The following MYCT1 variants were observed in gnomAD, a reference collection of about 807,000 sequenced individuals.
MYCT1 encodes MYC target 1.
A neutral mutation model predicts 15.0 loss-of-function variants in MYCT1; 12 were observed. The observed-to-expected ratio is 0.80, with a 90% CI of 0.51 to 1.29. MYCT1 has a LOEUF of 1.29. MYCT1 is among the 50% of genes most tolerant of loss of function. The pLI is 0.00. For missense variants in MYCT1, 287 were observed against 279.1 expected, an observed-to-expected ratio of 1.03 and a Z score of -0.20; for synonymous variants, 104 against 102.7, an observed-to-expected ratio of 1.01 and a Z score of -0.07.
the MYCT1 span, among the ~76,000 whole-genome samples, chr6:152,736,687 C>CATGATAAT: frequency 6.6e-6 from 1 of 152,054 alleles, no homozygotes; most frequent in South Asian, 2.1e-4. Flanking sequence ...ATTATTAATA[C>CATGATAAT]ACTTTTTTTT....
intron 1 of MYCT1, among the ~76,000 whole-genome samples, chr6:152,714,799 T>G (rs2099723350): frequency 6.6e-6 from 1 of 151,454 alleles, no homozygotes; most frequent in Admixed American, 6.6e-5. Context: ...AACACATATA[T>G]ATATAACATT....
chr6:152,698,868 A>G (rs886650142), intron 1 of MYCT1, among the ~76,000 whole-genome samples: 1 of 152,196 alleles, frequency 6.6e-6, no homozygotes, highest in Non-Finnish European at 1.5e-5. Context: ...CCTGATGTTG[A>G]CAATGGGACT....
Position 152,698,077 on chromosome 6 carries a change from C to G in MYCT1, c.175C>G (p.Pro59Ala), listed in dbSNP as rs1304070149. Residue 59 changes from proline (P) to alanine (A), a missense_variant, in exon 1 of 2, where the codon CCA becomes GCA. Physicochemically the swap from Pro to Ala is conservative, Grantham distance 27. Coordinates refer to ENST00000367245, the MANE Select transcript of MYCT1 (RefSeq NM_025107.3). The stretch of plus-strand genomic sequence containing the variant: ...TAATAACACAACAAGTTTAGGGAGT[C>G]CATGGCCAGAAAACTTTTGGGGTAA... The part of the protein sequence containing the change: ...MANNTTSLGS[P>A]WPENFWEDLI... The G allele has an allele frequency of 6.4e-7, 1 of 1,560,144 alleles. No homozygotes were observed. Among genetic ancestry groups the G allele is most frequent in the Non-Finnish European group, 8.6e-7 (1 of 1,161,086 alleles).
chr6:152,732,139 GT>G, the MYCT1 span, among the ~76,000 whole-genome samples: 1 of 152,016 alleles, frequency 6.6e-6, no homozygotes, highest in Admixed American at 6.5e-5. Flanking sequence ...CTTTTGTTTT[GT>G]TTTTTATATT....
chr6:152,701,398 G>A (rs2099721287), intron 1 of MYCT1, among the ~76,000 whole-genome samples: 1 of 152,236 alleles, frequency 6.6e-6, no homozygotes, highest in South Asian at 2.1e-4. Flanking sequence ...GATTCTGTGT[G>A]TGGTCGTTTC....
At chr6:152,699,163 C>T (rs1387600182) in intron 1 of MYCT1, among the ~76,000 whole-genome samples, 2 of 152,164 alleles carry the variant, frequency 1.3e-5, no homozygotes, top group South Asian at 2.1e-4. Flanking sequence ...CAGTAGTGGC[C>T]GACTTTTCCC....
At chr6:152,726,322 G>A (rs2099725638), downstream of MYCT1, among the ~76,000 whole-genome samples, 1 of 151,764 alleles carries the variant, frequency 6.6e-6, no homozygotes, top group South Asian at 2.1e-4. Context: ...GCTTGAACCT[G>A]GGAGGCAAAG....
chr6:152,745,546 G>T, the MYCT1 span, among the ~76,000 whole-genome samples: 820 of 152,258 alleles, frequency 5.4e-3, 10 homozygotes, highest in African/African-American at 0.018. Context: ...CAGATTTTCT[G>T]TCATTTCAAA....
Position 152,698,117 on chromosome 6 carries a change from CTG to C in MYCT1, c.196+21_196+22del. Reference sequence around the variant, plus strand: ...TTTTGGGGTAAGGTATTTTCTTTTACTGTTTAAAATTTAAAATTAGGATGTAA... The same window carrying C: ...TTTTGGGGTAAGGTATTTTCTTTTACTTTAAAATTTAAAATTAGGATGTAA... On this transcript the variant is annotated intron_variant, in intron 1 of 1. Coordinates refer to ENST00000367245, the MANE Select transcript of MYCT1 (RefSeq NM_025107.3). 1 of 1,462,054 alleles carries C rather than the reference CTG, an allele frequency of 6.8e-7. No homozygotes were observed. The highest frequency in any genetic ancestry group is 9.1e-7 in the Non-Finnish European group (1 of 1,094,400). 90.6% of individuals were successfully genotyped at this position (1,462,054 alleles called of 1,614,324 possible). A position where few individuals can be genotyped will look rare whatever the true frequency, so the allele number is the denominator to read the frequency against.
downstream of MYCT1, among the ~76,000 whole-genome samples, chr6:152,725,749 G>A (rs1216809079): frequency 1.3e-5 from 2 of 152,160 alleles, no homozygotes; most frequent in African/African-American, 2.4e-5. Flanking sequence ...GGCAGACCAC[G>A]AAGTCTCCTA....
chr6:152,726,210 A>G (rs932327839), downstream of MYCT1, among the ~76,000 whole-genome samples: 2 of 152,074 alleles, frequency 1.3e-5, no homozygotes, highest in Non-Finnish European at 2.9e-5. Flanking sequence ...CAGCCTGACC[A>G]ACATGGAGAA....
At chr6:152,746,732 A>C in the MYCT1 span, among the ~76,000 whole-genome samples, 1 of 152,182 alleles carries the variant, frequency 6.6e-6, no homozygotes, top group African/African-American at 2.4e-5. Flanking sequence ...ATCTATTTTC[A>C]GGAAATCGTC....
At chr6:152,747,059 A>G in the MYCT1 span, among the ~76,000 whole-genome samples, 8 of 152,102 alleles carry the variant, frequency 5.3e-5, no homozygotes, top group Non-Finnish European at 1.0e-4. Context: ...CACTAATATG[A>G]CAAGAATACA....
chr6:152,706,668 G>A (rs1031256520), intron 1 of MYCT1, among the ~76,000 whole-genome samples: 10 of 152,108 alleles, frequency 6.6e-5, no homozygotes, highest in Admixed American at 1.3e-4. Flanking sequence ...GCTAATGTAA[G>A]TATTGTGTGC....
intron 1 of MYCT1, among the ~76,000 whole-genome samples, chr6:152,705,034 A>G (rs1452149964): frequency 6.6e-6 from 1 of 152,144 alleles, no homozygotes; most frequent in Non-Finnish European, 1.5e-5. Flanking sequence ...GGCAATCATC[A>G]TTCTCTGCTT....
chr6:152,745,225 C>T, the MYCT1 span, among the ~76,000 whole-genome samples: 1 of 152,180 alleles, frequency 6.6e-6, no homozygotes, highest in Non-Finnish European at 1.5e-5. Context: ...ATACACAATT[C>T]AAGGCCATTG....
chr6:152,698,611 C>G (rs1388960819), intron 1 of MYCT1, among the ~76,000 whole-genome samples: 1 of 151,954 alleles, frequency 6.6e-6, no homozygotes, highest in African/African-American at 2.4e-5. Flanking sequence ...AACATCTGTA[C>G]TTAAATGAGT....
intron 1 of MYCT1, among the ~76,000 whole-genome samples, chr6:152,716,105 T>G (rs935726433): frequency 2.0e-5 from 3 of 152,152 alleles, no homozygotes; most frequent in African/African-American, 7.2e-5. Context: ...GTCACAGATG[T>G]GGGAATGTGG....
At position 152,723,245 on chromosome 6, in the gene MYCT1, C is replaced by T. The variant is rs993487481; in HGVS notation, c.*992C>T. The T allele has an allele frequency of 5.3e-5, 8 of 152,096 alleles. No individual in the cohort carries two copies. Among genetic ancestry groups the T allele is most frequent in the Non-Finnish European group, 8.8e-5 (6 of 68,038 alleles). 9.4% of individuals were successfully genotyped at this position (152,096 alleles called of 1,614,324 possible). Reference sequence around the variant, plus strand: ...TTATCTACTTCCTGGAGGCAAAATCCTTGGATTTACTAACATGATGATTTA... The same window carrying T: ...TTATCTACTTCCTGGAGGCAAAATCTTTGGATTTACTAACATGATGATTTA... On this transcript the variant is annotated 3_prime_UTR_variant, in exon 2 of 2. Transcript: ENST00000367245.
Sources: gnomAD v4.1 joint callset for allele counts (sites outside exome capture counted in the v4.1 genomes callset) on GRCh38, gnomAD v4.1.1 for gene constraint, MANE v1.5 for transcripts, NCBI Gene and HGNC (gene_info 2026-07-23, HGNC 2026-07-21) for gene names.